TENM4: variants seen among roughly 807,000 people sequenced by gnomAD.
TENM4 encodes teneurin transmembrane protein 4, also known as teneurin-4.
Under a neutral mutation model 243.3 loss-of-function variants are expected in TENM4, and 82 were observed. The ratio of observed to expected loss-of-function variants is 0.34; its 90% CI spans 0.28 to 0.40. TENM4 has a LOEUF of 0.40. Among genes scored for constraint, TENM4 ranks in the 10% least tolerant of loss-of-function variants. The pLI is 1.00. For missense variants in TENM4, 3,138 were observed against 3,673.3 expected, an observed-to-expected ratio of 0.85 and a Z score of 3.77; for synonymous variants, 1,412 against 1,456.3, an observed-to-expected ratio of 0.97 and a Z score of 0.69.
intron 2 of TENM4, among the ~76,000 whole-genome samples, chr11:79,293,046 A>C (rs1473600932): frequency 1.3e-5 from 2 of 152,220 alleles, no homozygotes; most frequent in Non-Finnish European, 2.9e-5. Flanking sequence ...GTTAGGATGC[A>C]GGATGGTAAG....
chr11:78,995,339 GA>G (rs1161836868), intron 6 of TENM4, among the ~76,000 whole-genome samples: 2 of 152,116 alleles, frequency 1.3e-5, no homozygotes, highest in Non-Finnish European at 2.9e-5. Context: ...GGCAATGGGG[GA>G]GCCATGGAAA....
intron 12 of TENM4, among the ~76,000 whole-genome samples, chr11:78,817,136 A>G (rs1857623364): frequency 6.6e-6 from 1 of 152,242 alleles, no homozygotes; most frequent in Non-Finnish European, 1.5e-5. Context: ...GTACTGTGGC[A>G]GCTGGAATGG....
chr11:79,382,816 A>G (rs1005825449), intron 1 of TENM4, among the ~76,000 whole-genome samples: 1 of 152,126 alleles, frequency 6.6e-6, no homozygotes, highest in South Asian at 2.1e-4. Context: ...GAATCCTTGG[A>G]AGAATATTTA....
At chr11:78,825,360 G>A (rs1857827669) in intron 12 of TENM4, among the ~76,000 whole-genome samples, 1 of 152,190 alleles carries the variant, frequency 6.6e-6, no homozygotes, top group Non-Finnish European at 1.5e-5. Flanking sequence ...GGAAATATTA[G>A]TTTACTCCTG....
chr11:79,088,612 A>G lies in TENM4; in HGVS notation c.-65-18603T>C, dbSNP rs763446378. On this transcript the variant is annotated intron_variant, in intron 4 of 33. Transcript: ENST00000278550. Reference sequence around the variant, plus strand: ...ACTGAGTGAGTTAGAAGGAGCTTAGAACAGGCTTCGCACTTGGCTGTTTAT... The same window carrying G: ...ACTGAGTGAGTTAGAAGGAGCTTAGGACAGGCTTCGCACTTGGCTGTTTAT... Among the ~76,000 whole-genome samples the G allele has an allele frequency of 1.6e-4, 25 of 152,192 alleles. 1 individual carries two copies. The highest frequency in any genetic ancestry group is 3.1e-4 in the Non-Finnish European group (21 of 68,036).
At position 78,685,344 on chromosome 11, in the gene TENM4, G is replaced by A. The variant is rs368775591; in HGVS notation, c.5260+2710C>T. Among the ~76,000 whole-genome samples, 37 of 152,242 alleles carry A rather than the reference G, an allele frequency of 2.4e-4. 1 individual carries two copies. The highest frequency in any genetic ancestry group is 7.9e-4 in the African/African-American group (33 of 41,542). On this transcript the variant is annotated intron_variant, in intron 29 of 33. Coordinates refer to ENST00000278550, the MANE Select transcript of TENM4 (RefSeq NM_001098816.3). ...CACAGTTTAAACAGAAGATGAAACC[G>A]AAAGAGCTTTTCACAGAGACTCTAG... is the stretch of plus-strand genomic sequence containing the variant.
intron 6 of TENM4, among the ~76,000 whole-genome samples, chr11:78,988,677 C>T (rs566652208): frequency 6.6e-6 from 1 of 152,268 alleles, no homozygotes; most frequent in Admixed American, 6.5e-5. Flanking sequence ...TCCCCCCACT[C>T]CCTTTTTGTA....
intron 3 of TENM4, among the ~76,000 whole-genome samples, chr11:79,171,603 C>G (rs2135117268): frequency 1.3e-5 from 2 of 152,258 alleles, no homozygotes; most frequent in East Asian, 3.9e-4. Flanking sequence ...GGAAGAGGAT[C>G]TGGGAAACAG....
chr11:78,697,543 G>A (rs1858998994), intron 28 of TENM4, among the ~76,000 whole-genome samples: 1 of 152,168 alleles, frequency 6.6e-6, no homozygotes, highest in South Asian at 2.1e-4. Flanking sequence ...CAGTGCTGGT[G>A]CTCAGACGTG....
chr11:79,098,908 C>T lies in TENM4; in HGVS notation c.-65-28899G>A, dbSNP rs542641477. On this transcript the variant is annotated intron_variant, in intron 4 of 33. Transcript: ENST00000278550. ...TGGGGAAATGAGTCAACTTCTCTGA[C>T]CTTCACTTTCCCCATCTATAAAGTA... 3.9e-5 allele frequency among the ~76,000 whole-genome samples: 6 copies of T among 152,312 alleles called. No homozygotes were observed. The East Asian group carries it at 1.2e-3, about 29-fold the overall frequency.
intron 2 of TENM4, among the ~76,000 whole-genome samples, chr11:79,257,718 G>A (rs1267954860): frequency 6.6e-6 from 1 of 152,194 alleles, no homozygotes. Flanking sequence ...CAGGCTATCA[G>A]AGCAGGTCAC....
chr11:79,217,923 C>T (rs1203635067), intron 2 of TENM4, among the ~76,000 whole-genome samples: 2 of 152,076 alleles, frequency 1.3e-5, no homozygotes, highest in Non-Finnish European at 2.9e-5. Context: ...GCCATGTTGG[C>T]CAGGCTGGTC....
At chr11:79,310,708 G>A (rs1856704768) in intron 1 of TENM4, among the ~76,000 whole-genome samples, 1 of 152,172 alleles carries the variant, frequency 6.6e-6, no homozygotes, top group Admixed American at 6.5e-5. Context: ...GCTGAGGCAG[G>A]GGAGCTTGGA....
chr11:79,159,401 A>G (rs1353362675), intron 3 of TENM4, among the ~76,000 whole-genome samples: 1 of 152,196 alleles, frequency 6.6e-6, no homozygotes, highest in African/African-American at 2.4e-5. Flanking sequence ...CTGAAATCTA[A>G]GGATTAAATT....
At chr11:78,706,921 G>A (rs1221396754) in intron 27 of TENM4, among the ~76,000 whole-genome samples, 5 of 152,168 alleles carry the variant, frequency 3.3e-5, no homozygotes, top group Non-Finnish European at 5.9e-5. Context: ...CTGCAAAGAC[G>A]AGTGGCAGAG....
chr11:78,918,287 A>G (rs1856366822), intron 6 of TENM4, among the ~76,000 whole-genome samples: 1 of 152,190 alleles, frequency 6.6e-6, no homozygotes, highest in Non-Finnish European at 1.5e-5. Flanking sequence ...TTTATAGAGC[A>G]GTCCCCTCAC....
At chr11:78,839,486 T>C (rs1407863075) in intron 12 of TENM4, among the ~76,000 whole-genome samples, 1 of 152,234 alleles carries the variant, frequency 6.6e-6, no homozygotes, top group Admixed American at 6.5e-5. Context: ...TTGGAAAAGC[T>C]ATCTTGTGCC....
At chr11:78,988,061 C>A (rs1206392790) in intron 6 of TENM4, among the ~76,000 whole-genome samples, 1 of 152,170 alleles carries the variant, frequency 6.6e-6, no homozygotes, top group Non-Finnish European at 1.5e-5. Context: ...GTAGAGCGGA[C>A]CTGTGATACC....
At chr11:79,129,846 A>G (rs6592830) in intron 4 of TENM4, among the ~76,000 whole-genome samples, 138,898 of 152,166 alleles carry the variant, frequency 0.91, 64,306 homozygotes, top group Middle Eastern at 0.99. Context: ...GGAGTTCTAG[A>G]GCCCCACCCA....
Sources: allele counts gnomAD v4.1 joint callset (sites outside exome capture counted in the v4.1 genomes callset), GRCh38; gene constraint gnomAD v4.1.1; transcripts MANE v1.5; gene names NCBI Gene and HGNC (gene_info 2026-07-23, HGNC 2026-07-21).